HS2ST1: variants seen among roughly 807,000 people sequenced by gnomAD.
The protein encoded by HS2ST1 is heparan sulfate 2-O-sulfotransferase 1.
Under a neutral mutation model 42.9 loss-of-function variants are expected in HS2ST1, and 18 were observed. The observed-to-expected ratio is 0.42, with a 90% confidence interval of 0.29 to 0.62. The LOEUF (loss-of-function observed/expected upper bound fraction) is 0.62, where lower values mean the gene tolerates loss of function less well. Ranked by LOEUF, HS2ST1 falls within the 20% of genes least tolerant of loss-of-function variation. The pLI, the probability that HS2ST1 is intolerant of heterozygous loss-of-function variation, is 0.21. For synonymous variants in HS2ST1, 146 were observed against 152.9 expected, an observed-to-expected ratio of 0.95 and a Z score of 0.33; for missense variants, 334 against 433.8, an observed-to-expected ratio of 0.77 and a Z score of 2.04.
intron 1 of HS2ST1, among the ~76,000 whole-genome samples, chr1:86,926,922 T>C (rs1179024795): frequency 1.3e-5 from 2 of 152,224 alleles, no homozygotes; most frequent in South Asian, 2.1e-4. Context: ...GTTAATTCTT[T>C]GAAGTGTTAT....
intron 1 of HS2ST1, among the ~76,000 whole-genome samples, chr1:87,037,442 A>G (rs1650407415): frequency 6.6e-6 from 1 of 151,836 alleles, no homozygotes; most frequent in Non-Finnish European, 1.5e-5. Context: ...GCCTTTTAAT[A>G]TATATATTTT....
chr1:87,049,529 G>T (rs1439053392), intron 1 of HS2ST1, among the ~76,000 whole-genome samples: 1 of 151,664 alleles, frequency 6.6e-6, no homozygotes, highest in East Asian at 1.9e-4. Context: ...TTTGTCCTGT[G>T]GGTTACTTGA....
intron 1 of HS2ST1, among the ~76,000 whole-genome samples, chr1:87,038,663 A>G (rs1482969551): frequency 2.0e-5 from 3 of 152,202 alleles, no homozygotes; most frequent in Non-Finnish European, 4.4e-5. Flanking sequence ...TTTAAGTTAC[A>G]TAAAGGCAAG....
intron 1 of HS2ST1, among the ~76,000 whole-genome samples, chr1:86,929,273 TAC>T (rs1443681075): frequency 1.3e-5 from 2 of 151,824 alleles, no homozygotes; most frequent in Non-Finnish European, 1.5e-5. Context: ...GTCTACAGCC[TAC>T]ATTTTTTGGT....
At chr1:86,985,130 C>T (rs1020553205) in intron 1 of HS2ST1, among the ~76,000 whole-genome samples, 8 of 150,378 alleles carry the variant, frequency 5.3e-5, no homozygotes, top group South Asian at 2.1e-4. Context: ...CTGAGGTGGG[C>T]GGATCACGAG....
At chr1:87,041,960 C>G (rs1200591189) in intron 1 of HS2ST1, among the ~76,000 whole-genome samples, 2 of 152,118 alleles carry the variant, frequency 1.3e-5, no homozygotes, top group African/African-American at 4.8e-5. Flanking sequence ...AAATTAAACA[C>G]AGAACTACCA....
At chr1:87,018,075 T>C (rs982006434) in intron 1 of HS2ST1, among the ~76,000 whole-genome samples, 1 of 151,836 alleles carries the variant, frequency 6.6e-6, no homozygotes, top group South Asian at 2.1e-4. Context: ...TAGCTGAGTG[T>C]CCTACTCATC....
At chr1:87,045,547 C>T in intron 1 of HS2ST1, 1 of 804,636 alleles carries the variant, frequency 1.2e-6, no homozygotes. Context: ...TTGGGAGGAT[C>T]CAGTGCACAA....
rs528170047 is a variant in HS2ST1, at chr1:87,102,568, A to G, written c.687-864A>G. Among the ~76,000 whole-genome samples, 7 of 152,348 alleles carry G rather than the reference A, an allele frequency of 4.6e-5. No homozygotes were observed. In the South Asian group the frequency reaches 1.5e-3, roughly 32 times the overall value. ...AAACCATATCACTATGTAGTCTGCA[A>G]AACCTAAAATATTTATCCTCTGGCC... On this transcript the variant is annotated intron_variant, in intron 5 of 6. Coordinates refer to ENST00000370550, the MANE Select transcript of HS2ST1 (RefSeq NM_012262.4).
chr1:87,046,685 G>T, intron 1 of HS2ST1: 2 of 1,393,090 alleles, frequency 1.4e-6, no homozygotes, highest in Non-Finnish European at 9.6e-7. Context: ...AGACCGGCAG[G>T]TTCTAGATGT....
At chr1:86,962,649 A>G (rs1647880350) in intron 1 of HS2ST1, among the ~76,000 whole-genome samples, 1 of 152,376 alleles carries the variant, frequency 6.6e-6, no homozygotes, top group East Asian at 1.9e-4. Flanking sequence ...TCAGCTAGAC[A>G]GCTGTGATTT....
intron 1 of HS2ST1, among the ~76,000 whole-genome samples, chr1:86,952,493 C>G (rs1469957346): frequency 1.3e-5 from 2 of 152,172 alleles, no homozygotes; most frequent in African/African-American, 4.8e-5. Flanking sequence ...CTGCCCTGGT[C>G]TCCCAAACTG....
intron 1 of HS2ST1, among the ~76,000 whole-genome samples, chr1:86,949,674 A>G (rs1647445214): frequency 6.6e-6 from 1 of 152,202 alleles, no homozygotes; most frequent in African/African-American, 2.4e-5. Flanking sequence ...CTTTGGTTCT[A>G]TTAACCACGT....
intron 1 of HS2ST1, among the ~76,000 whole-genome samples, chr1:87,056,490 C>T (rs979574295): frequency 6.6e-6 from 1 of 152,130 alleles, no homozygotes; most frequent in African/African-American, 2.4e-5. Context: ...GAATGATCAA[C>T]ACACAAACTA....
At chr1:86,937,826 T>C (rs1177426506) in intron 1 of HS2ST1, among the ~76,000 whole-genome samples, 1 of 152,098 alleles carries the variant, frequency 6.6e-6, no homozygotes, top group East Asian at 1.9e-4. Flanking sequence ...ATCTTCTGCA[T>C]TGGCATTCGT....
chr1:87,000,838 C>G (rs1649260733), intron 1 of HS2ST1, among the ~76,000 whole-genome samples: 1 of 152,172 alleles, frequency 6.6e-6, no homozygotes, highest in Admixed American at 6.5e-5. Context: ...TGGGTTATAA[C>G]TACTGAAACA....
At chr1:87,022,810 A>G (rs1347444841) in intron 1 of HS2ST1, among the ~76,000 whole-genome samples, 1 of 152,216 alleles carries the variant, frequency 6.6e-6, no homozygotes, top group East Asian at 1.9e-4. Flanking sequence ...AGGAACTCAA[A>G]GTCAGGCATA....
intron 1 of HS2ST1, among the ~76,000 whole-genome samples, chr1:87,060,148 T>C (rs1241693807): frequency 6.6e-6 from 1 of 152,108 alleles, no homozygotes; most frequent in African/African-American, 2.4e-5. Context: ...TAATTATATA[T>C]TCACAGGAAG....
At position 86,914,998 on chromosome 1, in the gene HS2ST1, G is replaced by T. The variant is rs372298246; in HGVS notation, c.-39G>T. 2.5e-6 allele frequency: 4 copies of T among 1,611,234 alleles called. No homozygotes were observed. In the African/African-American group the frequency reaches 5.3e-5, roughly 22 times the overall value. The stretch of plus-strand genomic sequence containing the variant: ...TCTCGCCTCCGGGGTCCCGCTCCCC[G>T]CCCCCCGCGGTATGTCTTGATCCCG... On this transcript the variant is annotated 5_prime_UTR_variant, in exon 1 of 7. Coordinates refer to ENST00000370550, the MANE Select transcript of HS2ST1 (RefSeq NM_012262.4).
Sources: allele counts gnomAD v4.1 joint callset (sites outside exome capture counted in the v4.1 genomes callset), GRCh38; gene constraint gnomAD v4.1.1; transcripts MANE v1.5; gene names NCBI Gene and HGNC (gene_info 2026-07-23, HGNC 2026-07-21).